The following SLC8A1 variants were observed in gnomAD, a reference collection of about 807,000 sequenced individuals.
SLC8A1 encodes the protein sodium/calcium exchanger 1.
Under a neutral mutation model 68.3 loss-of-function variants are expected in SLC8A1, and 18 were observed. That is an observed-to-expected ratio of 0.26 (90% CI 0.18 to 0.39). SLC8A1 has a LOEUF of 0.39. Among genes scored for constraint, SLC8A1 ranks in the 10% least tolerant of loss-of-function variants. The pLI is 1.00. For missense variants in SLC8A1, 985 were observed against 1,156.7 expected (o/e 0.85, Z 2.15); for synonymous variants, 475 against 415.5 (o/e 1.14, Z -1.74).
At chr2:40,496,688 C>T (rs1401288876) in intron 1 of SLC8A1, among the ~76,000 whole-genome samples, 1 of 151,878 alleles carries the variant, frequency 6.6e-6, no homozygotes, top group Non-Finnish European at 1.5e-5. Context: ...TTTGTATAGT[C>T]CTTACAATAA....
chr2:40,356,129 G>C (rs531254133), intron 2 of SLC8A1, among the ~76,000 whole-genome samples: 67 of 152,218 alleles, frequency 4.4e-4, no homozygotes, highest in Non-Finnish European at 7.9e-4. Context: ...TCTCAGTCTG[G>C]ATTATGTGTC....
intron 2 of SLC8A1, among the ~76,000 whole-genome samples, chr2:40,287,798 G>A (rs747267395): frequency 6.6e-6 from 1 of 151,902 alleles, no homozygotes; most frequent in Non-Finnish European, 1.5e-5. Flanking sequence ...GGGCAGAGAG[G>A]AAGCGTGGGA....
chr2:40,337,014 G>A (rs1049726293), intron 2 of SLC8A1, among the ~76,000 whole-genome samples: 3 of 152,184 alleles, frequency 2.0e-5, no homozygotes, highest in African/African-American at 4.8e-5. Flanking sequence ...AGATGCCTAA[G>A]AAGATATGAA....
chr2:40,307,110 C>A (rs2072771829), intron 2 of SLC8A1, among the ~76,000 whole-genome samples: 1 of 151,450 alleles, frequency 6.6e-6, no homozygotes, highest in Non-Finnish European at 1.5e-5. Flanking sequence ...TGTCAGTAAA[C>A]AGATAAACAG....
intron 2 of SLC8A1, among the ~76,000 whole-genome samples, chr2:40,428,026 T>G (rs781342020): frequency 5.1e-4 from 78 of 152,154 alleles, no homozygotes; most frequent in Non-Finnish European, 1.0e-3. Flanking sequence ...AAGAAATTAT[T>G]TTCAGGGTGT....
intron 3 of SLC8A1, among the ~76,000 whole-genome samples, chr2:40,176,637 C>A (rs34238309): frequency 6.6e-6 from 1 of 152,100 alleles, no homozygotes; most frequent in Admixed American, 6.5e-5. Flanking sequence ...TCCCCACCAG[C>A]GGACTGTGAG....
intron 2 of SLC8A1, chr2:40,195,830 A>T (rs1183319855): frequency 2.6e-5 from 4 of 152,092 alleles, no homozygotes; most frequent in African/African-American, 7.2e-5. Context: ...TGAAGTGGTA[A>T]TTGAAGGCAC....
In SLC8A1 at chr2:40,235,039, A is replaced by C. The variant is rs1171346083; in HGVS notation, c.1809-57184T>G. ...GAGGATTTTTCATCAATGTTCATCA[A>C]GGATATTGGTCTAAAATTCTCTTTT... On this transcript the variant is annotated intron_variant, in intron 2 of 7. Coordinates refer to ENST00000406785, the Ensembl canonical transcript of SLC8A1. Among the ~76,000 whole-genome samples the C allele has an allele frequency of 2.0e-5, 3 of 152,110 alleles. No homozygotes were observed. The East Asian group carries it at 5.8e-4, about 29-fold the overall frequency.
intron 2 of SLC8A1, among the ~76,000 whole-genome samples, chr2:40,283,213 T>G (rs1219429241): frequency 6.6e-6 from 1 of 152,234 alleles, no homozygotes; most frequent in Non-Finnish European, 1.5e-5. Flanking sequence ...GTAGAGGATG[T>G]GAAAGTGAAG....
chr2:40,348,752 T>C (rs572003814), intron 2 of SLC8A1, among the ~76,000 whole-genome samples: 2 of 152,146 alleles, frequency 1.3e-5, no homozygotes, highest in South Asian at 4.2e-4. Context: ...TTAATGACTC[T>C]TGGTGGTTTC....
At chr2:40,330,975 CAATA>C (rs1186335213) in intron 2 of SLC8A1, among the ~76,000 whole-genome samples, 2 of 152,114 alleles carry the variant, frequency 1.3e-5, no homozygotes, top group African/African-American at 4.8e-5. Context: ...TCTCAAAAGA[CAATA>C]AATACTTTCT....
intron 2 of SLC8A1, among the ~76,000 whole-genome samples, chr2:40,317,179 C>T (rs957237137): frequency 1.3e-5 from 2 of 151,834 alleles, no homozygotes; most frequent in Non-Finnish European, 2.9e-5. Flanking sequence ...GTTAGTTCTC[C>T]CTGACTCAAG....
chr2:40,098,073 C>A (rs2033680092), exon 8 of SLC8A1: 1 of 151,814 alleles, frequency 6.6e-6, no homozygotes, highest in Non-Finnish European at 1.5e-5. Flanking sequence ...ACATTTTATA[C>A]AATAGGTTTC....
intron 2 of SLC8A1, among the ~76,000 whole-genome samples, chr2:40,193,224 G>A (rs1362793155): frequency 3.3e-5 from 5 of 152,148 alleles, no homozygotes; most frequent in Non-Finnish European, 1.5e-5. Flanking sequence ...TCAAGCTCAT[G>A]ACCTGGACAT....
chr2:40,143,557 C>T (rs2041953870), intron 6 of SLC8A1, among the ~76,000 whole-genome samples: 1 of 152,154 alleles, frequency 6.6e-6, no homozygotes, highest in African/African-American at 2.4e-5. Flanking sequence ...TTAACCCTTC[C>T]TATTGCCTTT....
intron 1 of SLC8A1, among the ~76,000 whole-genome samples, chr2:40,432,279 TC>T (rs991114253): frequency 4.6e-5 from 7 of 151,698 alleles, no homozygotes; most frequent in Admixed American, 6.6e-5. Context: ...AAAGTCTCTG[TC>T]CTCACAGAGC....
At chr2:40,158,190 A>C (rs950669565) in intron 6 of SLC8A1, among the ~76,000 whole-genome samples, 1 of 152,244 alleles carries the variant, frequency 6.6e-6, no homozygotes, top group Non-Finnish European at 1.5e-5. Context: ...TCAACTATTT[A>C]GCCATGAAAT....
At chr2:40,486,509 T>C (rs1220762734) in intron 1 of SLC8A1, among the ~76,000 whole-genome samples, 4 of 152,144 alleles carry the variant, frequency 2.6e-5, no homozygotes, top group Non-Finnish European at 4.4e-5. Context: ...TATTCCTCTT[T>C]CTAACAAATA....
intron 2 of SLC8A1, among the ~76,000 whole-genome samples, chr2:40,230,039 G>A (rs2059459429): frequency 1.3e-5 from 2 of 152,142 alleles, no homozygotes; most frequent in Non-Finnish European, 2.9e-5. Context: ...CCAGAAAGAA[G>A]AACTGATTGG....
Sources: gnomAD v4.1 joint callset for allele counts (sites outside exome capture counted in the v4.1 genomes callset) on GRCh38, gnomAD v4.1.1 for gene constraint, MANE v1.5 for transcripts, NCBI Gene and HGNC (gene_info 2026-07-23, HGNC 2026-07-21) for gene names.